ARHGAP39: variants seen among roughly 807,000 people sequenced by gnomAD.
The protein encoded by ARHGAP39 is Rho GTPase activating protein 39.
In ARHGAP39, 44 loss-of-function variants were observed where a neutral mutation model predicts 106.9. The observed-to-expected ratio is 0.41, with a 90% CI of 0.32 to 0.53. ARHGAP39 has a LOEUF of 0.53. Ranked by LOEUF, ARHGAP39 falls within the 20% of genes least tolerant of loss-of-function variation. ARHGAP39 has a pLI of 0.21. For missense variants in ARHGAP39, 1,496 were observed against 1,577.3 expected (o/e 0.95, Z 0.87); for synonymous variants, 768 against 693.2 (o/e 1.11, Z -1.69).
intron 3 of ARHGAP39, among the ~76,000 whole-genome samples, chr8:144,560,675 G>A (rs1818108891): frequency 6.6e-6 from 1 of 152,186 alleles, no homozygotes; most frequent in Non-Finnish European, 1.5e-5. Flanking sequence ...TCAATGTTAT[G>A]CTCTCGAGGA....
At chr8:144,563,015 G>A (rs1179647656) in intron 3 of ARHGAP39, among the ~76,000 whole-genome samples, 1 of 152,226 alleles carries the variant, frequency 6.6e-6, no homozygotes, top group Non-Finnish European at 1.5e-5. Flanking sequence ...GCTCTATGTG[G>A]AACAACTAGA....
rs1415379617 is a variant in ARHGAP39, at chr8:144,647,649, G to A, written c.-82+38037C>T. On this transcript the variant is annotated intron_variant, in intron 1 of 11. Transcript: ENST00000377307. The surrounding 1 kb of genome is among the most constrained non-coding windows in gnomAD (Gnocchi z 4.8). Reference sequence around the variant, plus strand: ...CAGGTCAGGACCTTTGGTGGGTGAGGGAAGGAATGACCAATCCAAGACAAG... The same window carrying A: ...CAGGTCAGGACCTTTGGTGGGTGAGAGAAGGAATGACCAATCCAAGACAAG... Among the ~76,000 whole-genome samples the A allele has an allele frequency of 6.6e-6, 1 of 152,240 alleles. No homozygotes were observed. The highest frequency in any genetic ancestry group is 1.5e-5 in the Non-Finnish European group (1 of 68,042).
intron 1 of ARHGAP39, among the ~76,000 whole-genome samples, chr8:144,621,921 C>T (rs1357229223): frequency 6.6e-6 from 1 of 152,236 alleles, no homozygotes; most frequent in Non-Finnish European, 1.5e-5. Context: ...GGGCCGCACA[C>T]GCTCAGGTAC....
At chr8:144,639,338 A>AG (rs1266173934) in intron 1 of ARHGAP39, among the ~76,000 whole-genome samples, 6 of 146,350 alleles carry the variant, frequency 4.1e-5, no homozygotes, top group African/African-American at 8.2e-5. Flanking sequence ...AAAAAAAAAA[A>AG]AAAGAAAGAA....
intron 2 of ARHGAP39, among the ~76,000 whole-genome samples, chr8:144,587,908 G>A (rs182402995): frequency 7.0e-4 from 107 of 152,308 alleles, no homozygotes; most frequent in African/African-American, 2.5e-3. Context: ...CTCCCAAAGT[G>A]TTGGGATTAC....
chr8:144,539,217 A>C (rs1817091285), intron 6 of ARHGAP39, among the ~76,000 whole-genome samples: 1 of 151,884 alleles, frequency 6.6e-6, no homozygotes, highest in Non-Finnish European at 1.5e-5. Context: ...GTGCACGCTA[A>C]CTCCTGTTCA....
chr8:144,537,120 G>A (rs574264348), intron 7 of ARHGAP39, among the ~76,000 whole-genome samples: 52 of 152,254 alleles, frequency 3.4e-4, no homozygotes, highest in Admixed American at 3.1e-3. Flanking sequence ...TGGGTTCACA[G>A]GGCTTTCCTG....
intron 3 of ARHGAP39, among the ~76,000 whole-genome samples, chr8:144,574,604 G>A (rs548885458): frequency 1.3e-5 from 2 of 152,320 alleles, no homozygotes; most frequent in South Asian, 4.1e-4. Context: ...AACCCAGGAG[G>A]CGGAGCTTGC....
intron 1 of ARHGAP39, among the ~76,000 whole-genome samples, chr8:144,677,664 T>C (rs1216454504): frequency 1.3e-5 from 2 of 152,144 alleles, no homozygotes; most frequent in African/African-American, 4.8e-5. Flanking sequence ...TCAGAAACTT[T>C]TTAAAAAGAA....
rs1416156141 is a variant in ARHGAP39 at position 144,586,418 on chromosome 8, C to T, written c.81-5141G>A. On this transcript the variant is annotated intron_variant, in intron 2 of 11. Transcript: ENST00000377307. This position sits in a 1 kb window ranked among gnomAD's most constrained non-coding sequence, Gnocchi z 4.2. The stretch of plus-strand genomic sequence containing the variant: ...CTGGGCTACACCTTGGTGACGGGCT[C>T]CTCTCTCCTCTGCCCCACAGGGTGT... The T allele has an allele frequency of 1.3e-5, 2 of 152,450 alleles. No homozygotes were observed. The highest frequency in any genetic ancestry group is 2.4e-5 in the African/African-American group (1 of 41,468). 9.4% of individuals were successfully genotyped at this position (152,450 alleles called of 1,614,324 possible).
At chr8:144,609,127 A>C (rs1318393166) in intron 1 of ARHGAP39, among the ~76,000 whole-genome samples, 1 of 152,218 alleles carries the variant, frequency 6.6e-6, no homozygotes, top group Non-Finnish European at 1.5e-5. Context: ...CCTTCCTCCT[A>C]ATCTCAGGGA....
intron 1 of ARHGAP39, among the ~76,000 whole-genome samples, chr8:144,635,818 C>A (rs1216261439): frequency 6.8e-6 from 1 of 146,940 alleles, no homozygotes; most frequent in African/African-American, 2.6e-5. Flanking sequence ...GAGGCTACCG[C>A]CAGGTAGACA....
intron 3 of ARHGAP39, among the ~76,000 whole-genome samples, chr8:144,570,738 G>T (rs1387449255): frequency 6.6e-6 from 1 of 152,028 alleles, no homozygotes; most frequent in East Asian, 1.9e-4. Flanking sequence ...CTGCTAGCAA[G>T]ACTAATAAAG....
intron 3 of ARHGAP39, among the ~76,000 whole-genome samples, chr8:144,566,676 T>A (rs767011404): frequency 6.6e-6 from 1 of 151,796 alleles, no homozygotes. Flanking sequence ...GCCAACATGG[T>A]GAAACGCCGG....
At position 144,535,958 on chromosome 8, in the gene ARHGAP39, C is replaced by G. The variant is rs148617897; in HGVS notation, c.2615-1756G>C. 6.1e-3 allele frequency among the ~76,000 whole-genome samples: 927 copies of G among 152,350 alleles called. 3 individuals are homozygous for G. The highest frequency in any genetic ancestry group is 0.017 in the Middle Eastern group (5 of 294). On this transcript the variant is annotated intron_variant, in intron 7 of 11. Coordinates refer to ENST00000377307, the MANE Select transcript of ARHGAP39 (RefSeq NM_025251.3). ...GGCCACACTACTTCACCTGCAACTT[C>G]ACTCTGGGGGTCAGGCTGCCTGTGC... is the stretch of plus-strand genomic sequence containing the variant.
intron 3 of ARHGAP39, among the ~76,000 whole-genome samples, chr8:144,557,792 A>C (rs1192100246): frequency 6.6e-6 from 1 of 152,266 alleles, no homozygotes; most frequent in African/African-American, 2.4e-5. Flanking sequence ...TCAGTGGCAA[A>C]AGGCTGAAAG....
chr8:144,615,588 A>C (rs533637298), intron 1 of ARHGAP39, among the ~76,000 whole-genome samples: 5 of 152,230 alleles, frequency 3.3e-5, no homozygotes, highest in Admixed American at 3.3e-4. Flanking sequence ...ATTGTGGATT[A>C]AATCTTGTTC....
At chr8:144,656,251 G>A (rs1029236309) in intron 1 of ARHGAP39, among the ~76,000 whole-genome samples, 1 of 148,934 alleles carries the variant, frequency 6.7e-6, no homozygotes, top group African/African-American at 2.5e-5. Context: ...CCAATACTTT[G>A]AGAGACTGAG....
At chr8:144,576,853 C>T (rs1425095476) in intron 3 of ARHGAP39, among the ~76,000 whole-genome samples, 1 of 152,132 alleles carries the variant, frequency 6.6e-6, no homozygotes, top group Non-Finnish European at 1.5e-5. Context: ...AATCTGGCTT[C>T]GACTTGTGCA....
Sources: gnomAD v4.1 joint callset for allele counts (sites outside exome capture counted in the v4.1 genomes callset) on GRCh38, gnomAD v4.1.1 for gene constraint, Gnocchi (gnomAD v3.1) non-coding constraint, MANE v1.5 for transcripts, NCBI Gene and HGNC (gene_info 2026-07-23, HGNC 2026-07-21) for gene names.